Variants in STAT5B observed in about 807,000 individuals in gnomAD.
STAT5B encodes transcription factor STAT5B.
A neutral mutation model predicts 107.8 loss-of-function variants in STAT5B; 21 were observed. That is an observed-to-expected ratio of 0.19 (90% CI 0.14 to 0.28). The LOEUF (loss-of-function observed/expected upper bound fraction) is 0.28, where lower values mean the gene tolerates loss of function less well. Among genes scored for constraint, STAT5B ranks in the 10% least tolerant of loss-of-function variants. STAT5B has a pLI of 1.00. For synonymous variants in STAT5B, 325 were observed against 401.7 expected, an observed-to-expected ratio of 0.81 and a Z score of 2.28; for missense variants, 565 against 1,008.2, an observed-to-expected ratio of 0.56 and a Z score of 5.95.
At chr17:42,256,749 C>G (rs954711390) in intron 1 of STAT5B, among the ~76,000 whole-genome samples, 1 of 150,562 alleles carries the variant, frequency 6.6e-6, no homozygotes, top group Non-Finnish European at 1.5e-5. Flanking sequence ...GTAGTCCCAG[C>G]TACTGGGGAG....
At chr17:42,257,326 T>C (rs1281221774) in intron 1 of STAT5B, among the ~76,000 whole-genome samples, 1 of 152,194 alleles carries the variant, frequency 6.6e-6, no homozygotes, top group East Asian at 1.9e-4. Context: ...AAAGTCTGTG[T>C]GTTCAAACCA....
At chr17:42,206,281 G>A (rs2080084323) in intron 16 of STAT5B, among the ~76,000 whole-genome samples, 1 of 152,064 alleles carries the variant, frequency 6.6e-6, no homozygotes, top group Admixed American at 6.6e-5. Context: ...GTAGAGATGG[G>A]GTTTCACCAT....
intron 15 of STAT5B, among the ~76,000 whole-genome samples, chr17:42,208,369 A>G (rs2080102790): frequency 6.6e-6 from 1 of 151,762 alleles, no homozygotes; most frequent in South Asian, 2.1e-4. Flanking sequence ...GTGTGGTGGC[A>G]CTCATCCGTA....
chr17:42,222,219 G>C (rs2080236036), intron 5 of STAT5B, among the ~76,000 whole-genome samples: 1 of 151,764 alleles, frequency 6.6e-6, no homozygotes, highest in African/African-American at 2.4e-5. Context: ...TGTGTGTTTG[G>C]AGGGGCTGGG....
rs761815470 is a variant in STAT5B at position 42,200,869 on chromosome 17, G to A, written c.*869C>T. 7.7e-5 allele frequency: 30 copies of A among 391,070 alleles called. No homozygotes were observed. The highest frequency in any genetic ancestry group is 4.3e-4 in the East Asian group (12 of 27,670). 24.2% of individuals were successfully genotyped at this position (391,070 alleles called of 1,614,324 possible). ...GGAACAGCAGCTTCCTGGGTAACCAGGCAACAATCTCAGCGCCTGGGAGTC... is the reference window on the plus strand; with the variant it reads ...GGAACAGCAGCTTCCTGGGTAACCAAGCAACAATCTCAGCGCCTGGGAGTC... On this transcript the variant is annotated 3_prime_UTR_variant, in exon 19 of 19. Coordinates refer to ENST00000293328, the MANE Select transcript of STAT5B (RefSeq NM_012448.4).
chr17:42,201,524 GCACA>G lies in STAT5B; in HGVS notation c.*210_*213del, dbSNP rs57573850. ...GAGAAACACCATAACGTGCAAACAC[GCACA>G]CACACACACACACACACACACACAC... is the stretch of plus-strand genomic sequence containing the variant. On this transcript the variant is annotated 3_prime_UTR_variant, in exon 19 of 19. Coordinates refer to ENST00000293328, the MANE Select transcript of STAT5B (RefSeq NM_012448.4). The G allele has an allele frequency of 0.068, 41,499 of 612,544 alleles. 440 individuals carry two copies. Among genetic ancestry groups the G allele is most frequent in the African/African-American group, 0.075 (3,999 of 53,552 alleles). 37.9% of individuals were successfully genotyped at this position (612,544 alleles called of 1,614,324 possible).
intron 1 of STAT5B, among the ~76,000 whole-genome samples, chr17:42,255,833 G>A (rs537289484): frequency 6.6e-6 from 1 of 152,350 alleles, no homozygotes; most frequent in Admixed American, 6.5e-5. Context: ...GCTCGCGCCT[G>A]TAATCCCAGC....
Position 42,210,497 on chromosome 17 carries a change from C to T in STAT5B, c.1681G>A (p.Glu561Lys). ...GTGTAATTCCGTCCTGGTAAATTCT[C>T]CTGGTTGGAGATACAACAGTGAACA... ...LSVSWSQFNR[E>K]NLPGRNYTFW... Residue 561 changes from glutamate (E) to lysine (K), a missense_variant and splice_region_variant, in exon 14 of 19, where the codon GAG (glutamate) becomes AAG (lysine). This residue lies in a region of STAT5B where 127 missense variants were observed against 215.8 expected (regional missense o/e 0.59). Coordinates refer to ENST00000293328, the MANE Select transcript of STAT5B (RefSeq NM_012448.4). 6.2e-7 allele frequency: 1 copy of T among 1,613,898 alleles called. No homozygotes were observed. Among genetic ancestry groups the T allele is most frequent in the Non-Finnish European group, 8.5e-7 (1 of 1,179,816 alleles).
chr17:42,231,362 G>A (rs1458077068), intron 2 of STAT5B, among the ~76,000 whole-genome samples: 1 of 151,982 alleles, frequency 6.6e-6, no homozygotes, highest in African/African-American at 2.4e-5. Flanking sequence ...TTTGTTTTGA[G>A]ACAGGGTCTC....
chr17:42,263,231 C>T (rs980798348), intron 1 of STAT5B, among the ~76,000 whole-genome samples: 1 of 149,892 alleles, frequency 6.7e-6, no homozygotes, highest in Non-Finnish European at 1.5e-5. Context: ...CAGGCTACCA[C>T]GAAGCACAGG....
At chr17:42,263,017 A>G (rs9893298) in intron 1 of STAT5B, among the ~76,000 whole-genome samples, 1 of 22,800 alleles carries the variant, frequency 4.4e-5, no homozygotes, top group Non-Finnish European at 7.4e-5. Context: ...TATATATATA[A>G]AAAAACAAAA....
the STAT5B span, among the ~76,000 whole-genome samples, chr17:42,286,811 GGTTTGT>G: frequency 6.6e-6 from 1 of 152,196 alleles, no homozygotes; most frequent in African/African-American, 2.4e-5. Flanking sequence ...TGTGGCAATG[GGTTTGT>G]ATCCAGCCAC....
At chr17:42,262,807 T>TAC (rs1260295072) in intron 1 of STAT5B, among the ~76,000 whole-genome samples, 1 of 98,844 alleles carries the variant, frequency 1.0e-5, no homozygotes, top group South Asian at 3.5e-4. Context: ...TGTGTGTATA[T>TAC]ATACACACAT....
intron 12 of STAT5B, among the ~76,000 whole-genome samples, chr17:42,213,778 C>T (rs1243897322): frequency 6.7e-6 from 1 of 149,876 alleles, no homozygotes; most frequent in Non-Finnish European, 1.5e-5. Context: ...ATCCACCCAC[C>T]TCGGCCTCCC....
At chr17:42,251,641 G>A (rs1010658420) in intron 1 of STAT5B, among the ~76,000 whole-genome samples, 1 of 151,832 alleles carries the variant, frequency 6.6e-6, no homozygotes, top group African/African-American at 2.4e-5. Flanking sequence ...ATGCTACTGT[G>A]CATTGGGTTG....
chr17:42,240,553 C>G lies in STAT5B; in HGVS notation c.-10-8416G>C, dbSNP rs1027034629. Among the ~76,000 whole-genome samples, 139 of 152,098 alleles carry G rather than the reference C, an allele frequency of 9.1e-4. 1 individual carries two copies. The highest frequency in any genetic ancestry group is 3.1e-3 in the African/African-American group (128 of 41,456). On this transcript the variant is annotated intron_variant, in intron 1 of 18. Transcript: ENST00000293328. ...TTTTGAGGGGATGATGAAAATGTTC[C>G]GGAATTAGATAGTGGTGATAATTGT...
Position 42,218,691 on chromosome 17 carries a change from G to A in STAT5B, c.989+32C>T, listed in dbSNP as rs960843593. On this transcript the variant is annotated intron_variant, in intron 8 of 18. Transcript: ENST00000293328. ...CCCACGCAGGCAGGAGCTGCCCCAA[G>A]CTCCTGGGCATGGCAAACAGGCAGC... 2.5e-6 allele frequency: 4 copies of A among 1,611,956 alleles called. No individual in the cohort carries two copies. In the African/African-American group the frequency reaches 5.3e-5, roughly 22 times the overall value.
At chr17:42,284,423 C>T in the STAT5B span, among the ~76,000 whole-genome samples, 9 of 152,192 alleles carry the variant, frequency 5.9e-5, no homozygotes, top group South Asian at 4.2e-4. Context: ...TGCACCACCA[C>T]GCCCAGCTAA....
At chr17:42,214,356 C>T in intron 12 of STAT5B, 1 of 985,192 alleles carries the variant, frequency 1.0e-6, no homozygotes, top group Non-Finnish European at 1.2e-6. Flanking sequence ...GGACAAGAGG[C>T]AGACAGACAG....
Sources: allele counts gnomAD v4.1 joint callset (sites outside exome capture counted in the v4.1 genomes callset), GRCh38; gene constraint gnomAD v4.1.1; regional missense constraint gnomAD v4.1.1; transcripts MANE v1.5; gene names NCBI Gene and HGNC (gene_info 2026-07-23, HGNC 2026-07-21).